The following MYL4 variants were observed in gnomAD, a reference collection of about 807,000 sequenced individuals.
MYL4 encodes the protein myosin light chain 4.
MYL4 carries 16 observed loss-of-function variants against 21.6 expected under a neutral mutation model. That is an observed-to-expected ratio of 0.74 (90% CI 0.50 to 1.12). The LOEUF is 1.12. Ranked by LOEUF, MYL4 falls within the 50% of genes most tolerant of loss-of-function variation. MYL4 has a pLI of 0.00. For missense variants in MYL4, 249 were observed against 252.9 expected (o/e 0.98, Z 0.11); for synonymous variants, 82 against 95.7 (o/e 0.86, Z 0.83).
chr17:47,220,467 AT>A (rs1293769569), intron 3 of MYL4, among the ~76,000 whole-genome samples: 1 of 152,216 alleles, frequency 6.6e-6, no homozygotes, highest in East Asian at 1.9e-4. Flanking sequence ...ATTACAAACA[AT>A]TTGTTTCTAA....
At chr17:47,201,838 ATGTG>A (rs1038738400) in intron 1 of MYL4, among the ~76,000 whole-genome samples, 23 of 152,194 alleles carry the variant, frequency 1.5e-4, no homozygotes, top group Non-Finnish European at 3.1e-4. Context: ...AATACTTTTA[ATGTG>A]TATTTTTTTG....
chr17:47,226,937 C>T (rs1391305924), downstream of MYL4, among the ~76,000 whole-genome samples: 1 of 152,172 alleles, frequency 6.6e-6, no homozygotes, highest in Non-Finnish European at 1.5e-5. Flanking sequence ...TCACTGCAAC[C>T]TCCACCTCCC....
chr17:47,226,019 T>G (rs2064884467), downstream of MYL4, among the ~76,000 whole-genome samples: 1 of 152,136 alleles, frequency 6.6e-6, no homozygotes, highest in East Asian at 1.9e-4. Context: ...TTTTTGATCC[T>G]CACCCTCCTC....
chr17:47,201,011 A>G (rs2064707303), intron 1 of MYL4, among the ~76,000 whole-genome samples: 1 of 152,110 alleles, frequency 6.6e-6, no homozygotes, highest in Non-Finnish European at 1.5e-5. Flanking sequence ...GTCTCTACTA[A>G]AAATACAAAA....
chr17:47,218,353 CT>C (rs1192138516), intron 2 of MYL4, among the ~76,000 whole-genome samples: 2 of 152,098 alleles, frequency 1.3e-5, no homozygotes, highest in Non-Finnish European at 2.9e-5. Flanking sequence ...GCTTTTTTTC[CT>C]AAGTAGTTCA....
chr17:47,216,307 CT>C (rs11339637), intron 2 of MYL4, among the ~76,000 whole-genome samples: 78,721 of 138,016 alleles, frequency 0.57, 22,351 homozygotes, highest in African/African-American at 0.69. Flanking sequence ...TTCACACTGG[CT>C]TTTTTTTTTT....
At chr17:47,215,117 A>G (rs965657071) in intron 2 of MYL4, among the ~76,000 whole-genome samples, 37 of 152,244 alleles carry the variant, frequency 2.4e-4, no homozygotes, top group Non-Finnish European at 4.4e-5. Context: ...CAAATGGAGC[A>G]TGAGAGCTGG....
chr17:47,224,153 T>G (rs1273160450), downstream of MYL4, among the ~76,000 whole-genome samples: 15 of 152,220 alleles, frequency 9.9e-5, no homozygotes, highest in Admixed American at 9.8e-4. Flanking sequence ...ATTAGTCTCT[T>G]TTCATGCTAC....
the MYL4 span, among the ~76,000 whole-genome samples, chr17:47,194,451 T>A: frequency 6.6e-6 from 1 of 152,208 alleles, no homozygotes; most frequent in Non-Finnish European, 1.5e-5. Context: ...CATATGCTGT[T>A]TTTCAAGTGT....
At chr17:47,207,293 T>C (rs1170892990), upstream of MYL4, among the ~76,000 whole-genome samples, 1 of 152,186 alleles carries the variant, frequency 6.6e-6, no homozygotes, top group East Asian at 1.9e-4. Context: ...TGAAGAGCAG[T>C]GTGCTACAGA....
chr17:47,208,998 T>TA (rs1221241804), upstream of MYL4: 3 of 226,826 alleles, frequency 1.3e-5, no homozygotes, highest in Non-Finnish European at 1.7e-5. Context: ...CGGGAGGGGC[T>TA]AAAAAAAGCC....
At position 47,209,391 on chromosome 17, in the gene MYL4, C is replaced by G; in HGVS notation, c.-32C>G. On this transcript the variant is annotated 5_prime_UTR_variant, in exon 1 of 7. In the 5' UTR this introduces an upstream ATG that the reference lacks. Coordinates refer to ENST00000393450, the MANE Select transcript of MYL4 (RefSeq NM_002476.2). The stretch of plus-strand genomic sequence containing the variant: ...CACGTCTCTCGGTTTCTTCTTAGAT[C>G]ACTCCTCTGCCAAAGATCCCAACAA... 2 of 1,614,070 alleles carry G rather than the reference C, an allele frequency of 1.2e-6. No individual in the cohort carries two copies. Among genetic ancestry groups the G allele is most frequent in the Non-Finnish European group, 1.7e-6 (2 of 1,180,012 alleles).
upstream of MYL4, among the ~76,000 whole-genome samples, chr17:47,199,177 C>T (rs1054716906): frequency 1.3e-5 from 2 of 151,240 alleles, no homozygotes; most frequent in African/African-American, 4.9e-5. Flanking sequence ...AGAAGTGGAC[C>T]TTGCAATGAG....
intron 6 of MYL4, 199 bp downstream of exon 6, chr17:47,223,256 C>T: frequency 1.7e-6 from 1 of 589,554 alleles, no homozygotes; most frequent in Non-Finnish European, 3.0e-6. Flanking sequence ...TGTCTTGACC[C>T]TATCAGTCAC....
chr17:47,223,385 C>G (rs2064871161), intron 6 of MYL4, 124 bp from the exon 7 acceptor site: 1 of 305,648 alleles, frequency 3.3e-6, no homozygotes, highest in Admixed American at 4.6e-5. Context: ...GGTCCCTGGC[C>G]TGTGCTCTTG....
upstream of MYL4, among the ~76,000 whole-genome samples, chr17:47,199,232 C>T (rs1364785360): frequency 6.8e-6 from 1 of 146,962 alleles, no homozygotes; most frequent in East Asian, 2.0e-4. Context: ...CAGAGCAAGA[C>T]TCTGTCTCAA....
chr17:47,196,643 C>T (rs2064690104), upstream of MYL4, among the ~76,000 whole-genome samples: 2 of 152,160 alleles, frequency 1.3e-5, no homozygotes, highest in South Asian at 2.1e-4. Flanking sequence ...ATTCTTCAAG[C>T]CTCAGCTTCA....
In MYL4 at chr17:47,209,678, C is replaced by G. The variant is rs748008288; in HGVS notation, c.135+121C>G. On this transcript the variant is annotated intron_variant, in intron 1 of 6. Transcript: ENST00000393450. ...GGATGAGGACTAGGGTGTCCATGCC[C>G]CAGATCGCAGTCCCATGGGGCAGTG... The G allele has an allele frequency of 6.8e-5, 101 of 1,485,554 alleles. 1 individual carries two copies. In the South Asian group the frequency reaches 7.1e-4, roughly 10 times the overall value. 92.0% of individuals were successfully genotyped at this position (1,485,554 alleles called of 1,614,324 possible).
chr17:47,195,874 T>C (rs2064687601), upstream of MYL4, among the ~76,000 whole-genome samples: 1 of 152,262 alleles, frequency 6.6e-6, no homozygotes, highest in African/African-American at 2.4e-5. Flanking sequence ...TGTCTACTTC[T>C]GGTCTAGTCT....
Sources: gnomAD v4.1 joint callset for allele counts (sites outside exome capture counted in the v4.1 genomes callset) on GRCh38, gnomAD v4.1.1 for gene constraint, MANE v1.5 for transcripts, NCBI Gene and HGNC (gene_info 2026-07-23, HGNC 2026-07-21) for gene names.